GRHL2: variants seen among roughly 807,000 people sequenced by gnomAD.
GRHL2 encodes the protein grainyhead-like protein 2 homolog.
GRHL2 carries 21 observed loss-of-function variants against 83.8 expected under a neutral mutation model. That is an observed-to-expected ratio of 0.25 (90% CI 0.18 to 0.36). The LOEUF (loss-of-function observed/expected upper bound fraction) is 0.36, where lower values mean the gene tolerates loss of function less well. Ranked by LOEUF, GRHL2 falls within the 10% of genes least tolerant of loss-of-function variation. GRHL2 has a pLI of 1.00. For synonymous variants in GRHL2, 280 were observed against 278.9 expected, an observed-to-expected ratio of 1.00 and a Z score of -0.04; for missense variants, 623 against 781.8, an observed-to-expected ratio of 0.80 and a Z score of 2.42.
intron 1 of GRHL2, among the ~76,000 whole-genome samples, chr8:101,502,779 C>A (rs1211891526): frequency 6.6e-6 from 1 of 152,054 alleles, no homozygotes; most frequent in Non-Finnish European, 1.5e-5. Flanking sequence ...CCTCTTCCTC[C>A]TCTTCCTTTT....
intron 1 of GRHL2, among the ~76,000 whole-genome samples, chr8:101,535,290 T>C (rs943573935): frequency 2.7e-5 from 4 of 150,394 alleles, no homozygotes; most frequent in Admixed American, 2.6e-4. Flanking sequence ...CTCAGGGAGA[T>C]GTGTGTGTGT....
chr8:101,660,978 G>A (rs1380984455), intron 14 of GRHL2, among the ~76,000 whole-genome samples: 1 of 152,166 alleles, frequency 6.6e-6, no homozygotes, highest in African/African-American at 2.4e-5. Context: ...TTTACTTCAA[G>A]AATATTTAGC....
At chr8:101,658,174 A>G (rs921902150) in intron 14 of GRHL2, among the ~76,000 whole-genome samples, 7 of 152,218 alleles carry the variant, frequency 4.6e-5, no homozygotes, top group African/African-American at 1.7e-4. Flanking sequence ...AGTTGCACTG[A>G]GAGCAGGACT....
intron 13 of GRHL2, among the ~76,000 whole-genome samples, chr8:101,645,835 A>G (rs1345511896): frequency 6.6e-6 from 1 of 152,226 alleles, no homozygotes; most frequent in Non-Finnish European, 1.5e-5. Flanking sequence ...AAATGCATAA[A>G]TGCTACGTTA....
chr8:101,600,029 A>G (rs567042791), intron 8 of GRHL2, among the ~76,000 whole-genome samples: 11 of 152,298 alleles, frequency 7.2e-5, no homozygotes, highest in Non-Finnish European at 1.5e-4. Context: ...TGAAAAGGTC[A>G]ATGTACACTG....
intron 13 of GRHL2, 70 bp downstream of exon 13, chr8:101,644,295 C>A (rs1813465304): frequency 7.9e-7 from 1 of 1,260,884 alleles, no homozygotes. Flanking sequence ...GAGCTTGCAG[C>A]CCTCTTGCCC....
intron 5 of GRHL2, among the ~76,000 whole-genome samples, chr8:101,571,392 A>G (rs1470160386): frequency 6.6e-6 from 1 of 151,820 alleles, no homozygotes; most frequent in Non-Finnish European, 1.5e-5. Context: ...GTGGTGGCTC[A>G]TGCCTGTAAT....
intron 1 of GRHL2, among the ~76,000 whole-genome samples, chr8:101,513,702 G>A (rs1412952331): frequency 6.6e-6 from 1 of 151,770 alleles, no homozygotes; most frequent in African/African-American, 2.4e-5. Context: ...CACCATGTTG[G>A]CCAGGCTGGT....
At chr8:101,650,233 G>T (rs1435926766) in intron 14 of GRHL2, among the ~76,000 whole-genome samples, 1 of 152,172 alleles carries the variant, frequency 6.6e-6, no homozygotes, top group Non-Finnish European at 1.5e-5. Context: ...AGCATCTTGG[G>T]TTATGAAGCT....
chr8:101,502,745 CCTCCTCTTCCTCCTATTCTTT>C (rs1177991111), intron 1 of GRHL2, among the ~76,000 whole-genome samples: 79 of 152,120 alleles, frequency 5.2e-4, no homozygotes, highest in African/African-American at 1.6e-3. Context: ...TCCTCCTCCT[CCTCCTCTTCCTCCTATTCTTT>C]CTCCTCTTCC....
At chr8:101,545,055 G>A (rs1811232200) in intron 2 of GRHL2, among the ~76,000 whole-genome samples, 1 of 152,174 alleles carries the variant, frequency 6.6e-6, no homozygotes, top group Non-Finnish European at 1.5e-5. Context: ...AACAAAGCGA[G>A]GCTTTATCTA....
chr8:101,563,719 T>G (rs549284005), intron 4 of GRHL2, among the ~76,000 whole-genome samples: 2,417 of 150,472 alleles, frequency 0.016, 59 homozygotes, highest in African/African-American at 0.054. Flanking sequence ...ATTTTTTTTT[T>G]GTTTTTTTTT....
intron 1 of GRHL2, among the ~76,000 whole-genome samples, chr8:101,512,152 C>CT (rs935300597): frequency 2.6e-3 from 366 of 141,048 alleles, no homozygotes; most frequent in Middle Eastern, 3.7e-3. Flanking sequence ...GTTATTTTGC[C>CT]TTTTTTTTTT....
intron 9 of GRHL2, among the ~76,000 whole-genome samples, chr8:101,630,730 G>GC (rs1376444627): frequency 6.6e-6 from 1 of 152,152 alleles, no homozygotes; most frequent in Non-Finnish European, 1.5e-5. Context: ...AGTGCCTTGT[G>GC]AAAACAAAGA....
chr8:101,663,707 AT>A lies in GRHL2; in HGVS notation c.1699-740del, dbSNP rs564124770. Reference sequence around the variant, plus strand: ...ATTTTAAATTATGACTGTGTGGTGCATTTTTTTATATGCTCATTGTCCAATT... The same window carrying A: ...ATTTTAAATTATGACTGTGTGGTGCATTTTTTATATGCTCATTGTCCAATT... On this transcript the variant is annotated intron_variant, in intron 14 of 15. Coordinates refer to ENST00000646743, the MANE Select transcript of GRHL2 (RefSeq NM_024915.4). 3.9e-3 allele frequency among the ~76,000 whole-genome samples: 592 copies of A among 152,080 alleles called. 4 individuals are homozygous for A. Among genetic ancestry groups the A allele is most frequent in the Non-Finnish European group, 5.6e-3 (381 of 67,980 alleles).
Position 101,586,065 on chromosome 8 carries a change from C to CTTTTTTTTTTTTTTT in GRHL2, c.1003+8557_1003+8571dup, listed in dbSNP as rs67985027. ...TCTTCTTTCCTTCCACCTCATGTTT[C>CTTTTTTTTTTTTTTT]TTTTTTTTTTTTTTTTTTTTTTTTT... On this transcript the variant is annotated intron_variant, in intron 7 of 15. Transcript: ENST00000646743. 4.2e-4 allele frequency among the ~76,000 whole-genome samples: 40 copies of CTTTTTTTTTTTTTTT among 94,352 alleles called. 1 individual carries two copies. The highest frequency in any genetic ancestry group is 1.1e-3 in the African/African-American group (26 of 23,292). The allele number at this position is 94,352 out of a possible 152,430, so 61.9% of individuals were successfully genotyped here. A position where few individuals can be genotyped will look rare whatever the true frequency, so the allele number is the denominator to read the frequency against.
intron 7 of GRHL2, among the ~76,000 whole-genome samples, chr8:101,595,003 T>C (rs566515106): frequency 6.6e-6 from 1 of 152,358 alleles, no homozygotes; most frequent in African/African-American, 2.4e-5. Flanking sequence ...GTTTTGGGCA[T>C]ACAAAAGCAG....
chr8:101,676,654 G>A, the GRHL2 span, among the ~76,000 whole-genome samples: 25,595 of 152,038 alleles, frequency 0.17, 2,799 homozygotes, highest in Non-Finnish European at 0.24. Context: ...TCAGTGTGGC[G>A]ATTCCTCAGG....
At chr8:101,670,209 G>C (rs1188856171), downstream of GRHL2, among the ~76,000 whole-genome samples, 1 of 152,184 alleles carries the variant, frequency 6.6e-6, no homozygotes. Context: ...GTGAACACCT[G>C]GATGCACTAT....
Sources: allele counts gnomAD v4.1 joint callset (sites outside exome capture counted in the v4.1 genomes callset), GRCh38; gene constraint gnomAD v4.1.1; transcripts MANE v1.5; gene names NCBI Gene and HGNC (gene_info 2026-07-23, HGNC 2026-07-21).